Variants in NUTM1 observed in about 807,000 individuals in gnomAD.
The protein encoded by NUTM1 is NUT midline carcinoma family member 1.
NUTM1 carries 39 observed loss-of-function variants against 88.7 expected under a neutral mutation model. The observed-to-expected ratio is 0.44, with a 90% CI of 0.34 to 0.57. The LOEUF (loss-of-function observed/expected upper bound fraction) is 0.57, where lower values mean the gene tolerates loss of function less well. Ranked by LOEUF, NUTM1 falls within the 20% of genes least tolerant of loss-of-function variation. NUTM1 has a pLI of 0.01. For synonymous variants in NUTM1, 494 were observed against 538.0 expected (o/e 0.92, Z 1.13); for missense variants, 1,350 against 1,414.5 (o/e 0.95, Z 0.73).
Position 34,356,331 on chromosome 15 carries a change from C to G in NUTM1, c.2323C>G (p.Gln775Glu), listed in dbSNP as rs111433924. The G allele has an allele frequency of 1.9e-5, 30 of 1,613,826 alleles. No individual in the cohort carries two copies. In the African/African-American group the frequency reaches 1.9e-4, roughly 10 times the overall value. Residue 775 changes from glutamine (Q) to glutamate (E), a missense_variant, in exon 8 of 8, where the codon CAA (glutamine) becomes GAA (glutamate). Around this residue, in one of 5 missense-constraint regions of NUTM1, gnomAD observed 730 missense variants for 728.8 expected, o/e 1.00. Transcript: ENST00000537011. ...AATAGAGGAGGTCATAGAGAGCTTC[C>G]AAGTTGAGAAGTGTGTAACTGAGTA... is the stretch of plus-strand genomic sequence containing the variant. ...VQIEEVIESFQVEKCVTEYQE... is the reference protein window; with the variant it reads ...VQIEEVIESFEVEKCVTEYQE...
intron 5 of NUTM1, among the ~76,000 whole-genome samples, chr15:34,354,122 T>C (rs1272355590): frequency 6.6e-6 from 1 of 152,180 alleles, no homozygotes; most frequent in Non-Finnish European, 1.5e-5. Flanking sequence ...CAGCACATAA[T>C]ACCTCATCTG....
intron 3 of NUTM1, among the ~76,000 whole-genome samples, chr15:34,348,978 T>C (rs1890659685): frequency 6.6e-6 from 1 of 152,194 alleles, no homozygotes; most frequent in Non-Finnish European, 1.5e-5. Flanking sequence ...GGACCAGTGA[T>C]TGGAACTTAG....
intron 1 of NUTM1, among the ~76,000 whole-genome samples, chr15:34,344,207 TAAAG>T (rs1890540063): frequency 7.5e-6 from 1 of 132,546 alleles, no homozygotes; most frequent in African/African-American, 2.9e-5. Context: ...GGGTCCGTCT[TAAAG>T]AAAAAAAAAT....
At chr15:34,343,741 A>G in intron 1 of NUTM1, 39 bp downstream of exon 1, 1 of 1,519,100 alleles carries the variant, frequency 6.6e-7, no homozygotes, top group South Asian at 1.2e-5. Context: ...TGCACCTTCT[A>G]GGAGTTTTTA....
At chr15:34,346,485 TG>T (rs1305745890) in intron 2 of NUTM1, among the ~76,000 whole-genome samples, 3 of 145,438 alleles carry the variant, frequency 2.1e-5, no homozygotes, top group Non-Finnish European at 4.5e-5. Context: ...GGATGGAGGA[TG>T]GGAGGGTAAG....
In NUTM1 at chr15:34,345,957, G is replaced by A. The variant is rs759178769; in HGVS notation, c.22G>A (p.Gly8Arg). 6.2e-7 allele frequency: 1 copy of A among 1,614,126 alleles called. No homozygotes were observed. The highest frequency in any genetic ancestry group is 8.5e-7 in the Non-Finnish European group (1 of 1,180,000). ...CTGGAGCCAGGTTACTCTGGGTCCT[G>A]GACCTGACTGCCTCATTCTGGAGGC... MVVTLGPGPDCLILEASR... is the reference protein window; with the variant it reads MVVTLGPRPDCLILEASR... Residue 8 changes from glycine to arginine, a missense_variant, in exon 2 of 8, where the codon GGA (glycine) becomes AGA (arginine). Physicochemically the swap from Gly to Arg is moderately radical, Grantham distance 125. Transcript: ENST00000537011.
In NUTM1 at chr15:34,357,643, G is replaced by C. The variant is rs1434281858; in HGVS notation, c.*152G>C. On this transcript the variant is annotated 3_prime_UTR_variant, in exon 8 of 8. Transcript: ENST00000537011. The stretch of plus-strand genomic sequence containing the variant: ...GTTCTGCAAAAGTGGCAAGCATGGA[G>C]AGAGAGGTCAGACTGGCTAGGCTGC... 6.9e-7 allele frequency: 1 copy of C among 1,441,082 alleles called. No individual in the cohort carries two copies. The highest frequency in any genetic ancestry group is 1.7e-5 in the Admixed American group (1 of 59,746). The allele number at this position is 1,441,082 out of a possible 1,614,324, so 89.3% of individuals were successfully genotyped here.
chr15:34,346,135 G>A lies in NUTM1; in HGVS notation c.100+100G>A, dbSNP rs1289417788. 6.6e-6 allele frequency: 8 copies of A among 1,215,310 alleles called. No individual in the cohort carries two copies. The Admixed American group carries it at 8.8e-5, about 13-fold the overall frequency. The allele number at this position is 1,215,310 out of a possible 1,614,324, so 75.3% of individuals were successfully genotyped here. On this transcript the variant is annotated intron_variant, in intron 2 of 7. Coordinates refer to ENST00000537011, the MANE Select transcript of NUTM1 (RefSeq NM_001284292.2). ...AAAGGAATGTGAGGTGCTACACCCC[G>A]TCAAAGGTATCACACTTGGGGAGGC...
chr15:34,350,357 C>A (rs1890682470), intron 3 of NUTM1, among the ~76,000 whole-genome samples: 1 of 152,194 alleles, frequency 6.6e-6, no homozygotes, highest in Non-Finnish European at 1.5e-5. Context: ...TACTTTATAG[C>A]AAATCCCATT....
rs1244187505 is a variant in NUTM1 at position 34,348,336 on chromosome 15, T to TC, written c.470dup (p.Ala158CysfsTer9). ...GCACTCCCTGTGGAGGCCTTGAGGG[T>TC]CCTGCACCTCCATTTGTGACAGCAT... On this transcript the variant is annotated frameshift_variant, in exon 3 of 8. Transcript: ENST00000537011. LOFTEE classifies it high-confidence loss of function. 3 of 1,614,232 alleles carry TC rather than the reference T, an allele frequency of 1.9e-6. No homozygotes were observed. Among genetic ancestry groups the TC allele is most frequent in the Non-Finnish European group, 2.5e-6 (3 of 1,180,032 alleles).
chr15:34,353,690 C>G, intron 4 of NUTM1, 46 bp from the exon 5 acceptor site: 8 of 1,610,756 alleles, frequency 5.0e-6, no homozygotes, highest in Non-Finnish European at 6.8e-6. Context: ...TCTGATGGGT[C>G]TGGTCTCCTT....
rs768479594 is a variant in NUTM1 at position 34,355,716 on chromosome 15, C to G, written c.1708C>G (p.Gln570Glu). The change falls in exon 8 of 8, where the codon CAA (glutamine) becomes GAA (glutamate). Residue 570 changes from glutamine (Q) to glutamate (E), a missense_variant. Around this residue, in one of 5 missense-constraint regions of NUTM1, gnomAD observed 730 missense variants for 728.8 expected, o/e 1.00. Transcript: ENST00000537011. The surrounding 1 kb of genome is among the most constrained non-coding windows in gnomAD (Gnocchi z 4.3). ...RAREVHGGQE[Q>E]ALDSPRGMHR... ...AAGAGAAGTGCATGGTGGGCAGGAG[C>G]AAGCCCTAGATAGCCCCAGAGGGAT... 6.8e-6 allele frequency: 11 copies of G among 1,611,842 alleles called. No individual in the cohort carries two copies. In the South Asian group the frequency reaches 8.8e-5, roughly 13 times the overall value.
intron 5 of NUTM1, 56 bp from the exon 6 acceptor site, chr15:34,354,390 G>A (rs575048484): frequency 6.5e-7 from 1 of 1,544,236 alleles, no homozygotes; most frequent in African/African-American, 1.4e-5. Context: ...TCCGAAGGAG[G>A]CAGAATCTGT....
Position 34,354,481 on chromosome 15 carries a change from GC to G in NUTM1, c.1117del (p.Arg373AlafsTer24), listed in dbSNP as rs756300195. The G allele has an allele frequency of 6.2e-7, 1 of 1,614,070 alleles. No individual in the cohort carries two copies. On this transcript the variant is annotated frameshift_variant, in exon 6 of 8. Transcript: ENST00000537011. LOFTEE classifies it high-confidence loss of function. The stretch of plus-strand genomic sequence containing the variant: ...GAAGAAGGCAGCCTCCAAGACACGG[GC>G]CCCCCGCCGGCGTCAGCGTAAAGCC... ...IPKKAASKTR[A>X]PRRRQRKAQR...
In NUTM1 at chr15:34,356,500, G is replaced by C; in HGVS notation, c.2492G>C (p.Cys831Ser). The change falls in exon 8 of 8, where the codon TGC becomes TCC. Residue 831 changes from cysteine to serine, a missense_variant. Cys to Ser is a moderately radical substitution (Grantham distance 112). This residue lies in a region of NUTM1 where 730 missense variants were observed against 728.8 expected (regional missense o/e 1.00). Transcript: ENST00000537011. ...AAAALEKRNY[C>S]SLPGPLRANS... ...GCTGCCCTAGAAAAGAGAAACTATT[G>C]CAGCTTGCCAGGACCTTTGAGGGCC... The C allele has an allele frequency of 6.2e-7, 1 of 1,614,008 alleles. No individual in the cohort carries two copies. Among genetic ancestry groups the C allele is most frequent in the Non-Finnish European group, 8.5e-7 (1 of 1,179,962 alleles).
rs1890725139 is a variant in NUTM1 at position 34,352,422 on chromosome 15, T to G, written c.939-1314T>G. 2.6e-5 allele frequency among the ~76,000 whole-genome samples: 4 copies of G among 152,170 alleles called. No homozygotes were observed. The South Asian group carries it at 8.3e-4, about 32-fold the overall frequency. On this transcript the variant is annotated intron_variant, in intron 4 of 7. Coordinates refer to ENST00000537011, the MANE Select transcript of NUTM1 (RefSeq NM_001284292.2). ...ATCCCACTGTGAGATCCCACCAGGC[T>G]GTTGCATAGGCCTGATTAAGTTAAA...
chr15:34,355,161 T>C lies in NUTM1; in HGVS notation c.1479+24T>C, dbSNP rs752789108. 55 of 1,445,030 alleles carry C rather than the reference T, an allele frequency of 3.8e-5. 1 individual carries two copies. In the South Asian group the frequency reaches 5.3e-4, roughly 14 times the overall value. The allele number at this position is 1,445,030 out of a possible 1,614,324, so 89.5% of individuals were successfully genotyped here. A position where few individuals can be genotyped will look rare whatever the true frequency, so the allele number is the denominator to read the frequency against. Reference sequence around the variant, plus strand: ...AGGTAAAACTGGGGTATAGGAAATATGAGAACGAGAAGCTTGCAAGATTTT... The same window carrying C: ...AGGTAAAACTGGGGTATAGGAAATACGAGAACGAGAAGCTTGCAAGATTTT... On this transcript the variant is annotated intron_variant, in intron 7 of 7. Transcript: ENST00000537011. The surrounding 1 kb of genome is among the most constrained non-coding windows in gnomAD (Gnocchi z 4.3).
At chr15:34,354,937 G>T in intron 6 of NUTM1, 84 bp from the exon 7 acceptor site, 1 of 1,119,716 alleles carries the variant, frequency 8.9e-7, no homozygotes, top group Non-Finnish European at 1.3e-6. Context: ...GAGAGTTGGG[G>T]AGCTCTTAGT....
rs748446311 is a variant in NUTM1 at position 34,356,210 on chromosome 15, C to A, written c.2202C>A (p.Ser734=). The change falls in exon 8 of 8, where the codon TCC becomes TCA. Residue 734 remains serine, a synonymous_variant. Coordinates refer to ENST00000537011, the MANE Select transcript of NUTM1 (RefSeq NM_001284292.2). ...CTCAGAGTTATGATCAGAATCCTTC[C>A]CCTAGAGCAGCTGGGGAGAGGGACG... ...PMAQSYDQNP[S]PRAAGERDDV... 2 of 1,607,272 alleles carry A rather than the reference C, an allele frequency of 1.2e-6. No homozygotes were observed. The highest frequency in any genetic ancestry group is 8.5e-7 in the Non-Finnish European group (1 of 1,175,256).
Sources: allele counts gnomAD v4.1 joint callset (sites outside exome capture counted in the v4.1 genomes callset), GRCh38; gene constraint gnomAD v4.1.1; regional missense constraint gnomAD v4.1.1; non-coding constraint Gnocchi (gnomAD v3.1); transcripts MANE v1.5; gene names NCBI Gene and HGNC (gene_info 2026-07-23, HGNC 2026-07-21).